The following ACE variants were observed in gnomAD, a reference collection of about 807,000 sequenced individuals.
The protein encoded by ACE is angiotensin I converting enzyme, also known as angiotensin-converting enzyme.
Under a neutral mutation model 162.3 loss-of-function variants are expected in ACE, and 122 were observed. That is an observed-to-expected ratio of 0.75 (90% CI 0.65 to 0.87). ACE has a LOEUF of 0.87. ACE is among the 40% of genes least tolerant of loss of function. ACE has a pLI of 0.00. For missense variants in ACE, 1,799 were observed against 1,735.1 expected (o/e 1.04, Z -0.65); for synonymous variants, 796 against 720.6 (o/e 1.10, Z -1.68).
chr17:63,479,934 C>T (rs1421259030), intron 4 of ACE, 22 bp downstream of exon 4: 1 of 1,598,498 alleles, frequency 6.3e-7, no homozygotes, highest in Non-Finnish European at 8.5e-7. Context: ...TCTCCCTGTC[C>T]AGGAACCACG....
In ACE at chr17:63,482,616, G is replaced by A. The variant is rs941378818; in HGVS notation, c.1269G>A (p.Val423=). The A allele has an allele frequency of 6.2e-7, 1 of 1,614,120 alleles. No homozygotes were observed. ...NPGFHEAIGD[V]LALSVSTPEH... ...GCTTCCATGAGGCCATTGGGGACGTGCTGGCGCTCTCGGTCTCCACTCCTG... is the reference window on the plus strand; with the variant it reads ...GCTTCCATGAGGCCATTGGGGACGTACTGGCGCTCTCGGTCTCCACTCCTG... Residue 423 remains valine, a synonymous_variant, in exon 8 of 25, where the codon GTG becomes GTA. Transcript: ENST00000290866.
chr17:63,491,472 G>C lies in ACE; in HGVS notation c.2912+91G>C. ...AGGGTCCACTACTGTCCCCCAGCTG[G>C]AGCCAGCAGGGCAGGATGGGGACAG... On this transcript the variant is annotated intron_variant, in intron 19 of 24. Coordinates refer to ENST00000290866, the MANE Select transcript of ACE (RefSeq NM_000789.4). This position sits in a 1 kb window ranked among gnomAD's most constrained non-coding sequence, Gnocchi z 4.4. 2 of 1,545,636 alleles carry C rather than the reference G, an allele frequency of 1.3e-6. No individual in the cohort carries two copies. The highest frequency in any genetic ancestry group is 3.4e-5 in the Admixed American group (2 of 59,234).
In ACE at chr17:63,497,252, G is replaced by A. The variant is rs746513914; in HGVS notation, c.3807G>A (p.Leu1269=). 1.9e-6 allele frequency: 3 copies of A among 1,575,390 alleles called. No homozygotes were observed. Among genetic ancestry groups the A allele is most frequent in the Admixed American group, 3.7e-5 (2 of 54,562 alleles). Residue 1269 remains leucine, a synonymous_variant, in exon 25 of 25, where the codon CTG becomes CTA. Transcript: ENST00000290866. ...TGCTGCTCTTCCTGGGCATCGCCCTGCTGGTAGCCACCCTGGGCCTCAGCC... is the reference window on the plus strand; with the variant it reads ...TGCTGCTCTTCCTGGGCATCGCCCTACTGGTAGCCACCCTGGGCCTCAGCC... ...QWLLLFLGIA[L]LVATLGLSQR...
chr17:63,491,524 G>T lies in ACE; in HGVS notation c.2912+143G>T. 1.4e-5 allele frequency: 16 copies of T among 1,107,556 alleles called. No individual in the cohort carries two copies. The highest frequency in any genetic ancestry group is 3.9e-4 in the Middle Eastern group (2 of 5,092). The allele number at this position is 1,107,556 out of a possible 1,614,324, so 68.6% of individuals were successfully genotyped here. On this transcript the variant is annotated intron_variant, in intron 19 of 24. Transcript: ENST00000290866. This position sits in a 1 kb window ranked among gnomAD's most constrained non-coding sequence, Gnocchi z 4.4. Reference sequence around the variant, plus strand: ...GCCAGAGTTTGGGACTGAGTGTCTAGAGAGGTGTTGGCTTCTGGCAGGAAA... The same window carrying T: ...GCCAGAGTTTGGGACTGAGTGTCTATAGAGGTGTTGGCTTCTGGCAGGAAA...
At position 63,480,340 on chromosome 17, in the gene ACE, T is replaced by C; in HGVS notation, c.659T>C (p.Phe220Ser). The C allele has an allele frequency of 6.2e-7, 1 of 1,613,826 alleles. No individual in the cohort carries two copies. The highest frequency in any genetic ancestry group is 1.1e-5 in the South Asian group (1 of 91,084). The change falls in exon 5 of 25, where the codon TTC becomes TCC. Residue 220 changes from phenylalanine (F) to serine (S), a missense_variant. Transcript: ENST00000290866. ...LSNEAYKQDGFTDTGAYWRSW... is the reference protein window; with the variant it reads ...LSNEAYKQDGSTDTGAYWRSW... ...TACCTCACCCCCACGCCCCCAGGCT[T>C]CACAGACACGGGGGCCTACTGGCGC...
In ACE at chr17:63,491,480, AG is replaced by A. The variant is rs887000970; in HGVS notation, c.2912+102del. ...CTACTGTCCCCCAGCTGGAGCCAGC[AG>A]GGCAGGATGGGGACAGGGCCAGAGT... On this transcript the variant is annotated intron_variant, in intron 19 of 24. Coordinates refer to ENST00000290866, the MANE Select transcript of ACE (RefSeq NM_000789.4). This position sits in a 1 kb window ranked among gnomAD's most constrained non-coding sequence, Gnocchi z 4.4. 1 of 1,507,222 alleles carries A rather than the reference AG, an allele frequency of 6.6e-7. No homozygotes were observed. The highest frequency in any genetic ancestry group is 1.4e-5 in the African/African-American group (1 of 72,978). The allele number at this position is 1,507,222 out of a possible 1,614,324, so 93.4% of individuals were successfully genotyped here.
Position 63,482,498 on chromosome 17 carries a change from A to T in ACE, c.1151A>T (p.Gln384Leu). The T allele has an allele frequency of 6.2e-7, 1 of 1,614,020 alleles. No homozygotes were observed. The highest frequency in any genetic ancestry group is 8.5e-7 in the Non-Finnish European group (1 of 1,179,998). ...CAGTGCACACGGGTCACGATGGACCAGCTCTCCACAGTGCACCATGAGATG... is the reference window on the plus strand; with the variant it reads ...CAGTGCACACGGGTCACGATGGACCTGCTCTCCACAGTGCACCATGAGATG... ...IKQCTRVTMDQLSTVHHEMGH... is the reference protein window; with the variant it reads ...IKQCTRVTMDLLSTVHHEMGH... The change falls in exon 8 of 25, where the codon CAG (glutamine) becomes CTG (leucine). Residue 384 changes from glutamine to leucine, a missense_variant. Physicochemically the swap from Gln to Leu is moderately radical, Grantham distance 113. Coordinates refer to ENST00000290866, the MANE Select transcript of ACE (RefSeq NM_000789.4).
At position 63,477,352 on chromosome 17, in the gene ACE, C is replaced by G; in HGVS notation, c.249+9C>G. 1 of 1,275,234 alleles carries G rather than the reference C, an allele frequency of 7.8e-7. No homozygotes were observed. The highest frequency in any genetic ancestry group is 1.0e-6 in the Non-Finnish European group (1 of 1,003,288). 79.0% of individuals were successfully genotyped at this position (1,275,234 alleles called of 1,614,324 possible). On this transcript the variant is annotated intron_variant, in intron 1 of 24. Transcript: ENST00000290866. ...AGAATGCAAGGCGCCAGGTGGGCGC[C>G]CGGGCCCGGGCGGGGGCGGGGCGGG... is the stretch of plus-strand genomic sequence containing the variant.
intron 1 of ACE, 31 bp from the exon 2 acceptor site, chr17:63,477,900 A>G (rs1286507881): frequency 6.3e-7 from 1 of 1,594,246 alleles, no homozygotes; most frequent in East Asian, 2.3e-5. Flanking sequence ...GCAGGGTCCT[A>G]CACCCTCCCT....
intron 4 of ACE, 64 bp from the exon 5 acceptor site, chr17:63,480,273 A>G: frequency 1.3e-5 from 21 of 1,573,522 alleles, no homozygotes; most frequent in Non-Finnish European, 1.8e-5. Context: ...GAGCCGACTT[A>G]CAGCTGAGAG....
chr17:63,485,103 TG>T, intron 12 of ACE, 132 bp from the exon 13 acceptor site: 1 of 1,350,840 alleles, frequency 7.4e-7, no homozygotes, highest in Non-Finnish European at 1.0e-6. Flanking sequence ...GTGCCAGGGG[TG>T]GGAGAGGCGG....
intron 3 of ACE, among the ~76,000 whole-genome samples, chr17:63,479,561 T>C (rs2049673086): frequency 6.6e-6 from 1 of 152,106 alleles, no homozygotes; most frequent in Admixed American, 6.5e-5. Flanking sequence ...CCTTAGGTGG[T>C]CATGTCTCTG....
chr17:63,495,302 G>T (rs2030659884), intron 22 of ACE, among the ~76,000 whole-genome samples: 1 of 152,188 alleles, frequency 6.6e-6, no homozygotes, highest in Non-Finnish European at 1.5e-5. Context: ...TCCCTGGGAG[G>T]CTGGGGGCTA....
Position 63,481,581 on chromosome 17 carries a change from C to T in ACE, c.961C>T (p.His321Tyr), listed in dbSNP as rs2049710489. Residue 321 changes from histidine (H) to tyrosine (Y), a missense_variant, in exon 7 of 25, where the codon CAC becomes TAC. By Grantham distance (83) the His-to-Tyr change is moderately conservative. Coordinates refer to ENST00000290866, the MANE Select transcript of ACE (RefSeq NM_000789.4). ...CCTCCTCCAGGGCTGGAACGCCACG[C>T]ACATGTTCCGGGTGGCAGAGGAGTT... The part of the protein sequence containing the change: ...TMLQQGWNAT[H>Y]MFRVAEEFFT... 2 of 1,613,850 alleles carry T rather than the reference C, an allele frequency of 1.2e-6. No homozygotes were observed. The highest frequency in any genetic ancestry group is 1.7e-5 in the Admixed American group (1 of 59,998).
intron 3 of ACE, 24 bp from the exon 4 acceptor site, chr17:63,479,745 C>A: frequency 6.2e-7 from 1 of 1,612,538 alleles, no homozygotes; most frequent in Non-Finnish European, 8.5e-7. Context: ...GCCTCCTCAC[C>A]GACCCTGCCT....
At position 63,483,909 on chromosome 17, in the gene ACE, C is replaced by T. The variant is rs199955602; in HGVS notation, c.1647C>T (p.Gly549=). 6 of 1,614,158 alleles carry T rather than the reference C, an allele frequency of 3.7e-6. No individual in the cohort carries two copies. The highest frequency in any genetic ancestry group is 4.2e-6 in the Non-Finnish European group (5 of 1,180,028). ...ATGAAGCCCTGTGCAAGGAGGCAGG[C>T]TATGAGGGCCCACTGCACCAGTGTG... is the stretch of plus-strand genomic sequence containing the variant. ...QFHEALCKEA[G]YEGPLHQCDI... The change falls in exon 11 of 25, where the codon GGC becomes GGT. Residue 549 remains glycine, a synonymous_variant. Transcript: ENST00000290866.
chr17:63,486,421 T>C (rs2029940661), intron 13 of ACE, 136 bp from the exon 14 acceptor site: 1 of 939,414 alleles, frequency 1.1e-6, no homozygotes, highest in Non-Finnish European at 1.7e-6. Flanking sequence ...CAGAGAGTCT[T>C]ATAGGCAAAG....
At chr17:63,496,068 T>C (rs2030709980) in intron 22 of ACE, 1 of 409,130 alleles carries the variant, frequency 2.4e-6, no homozygotes. Context: ...ACCCCAGGGA[T>C]GGAGACCTCA....
intron 16 of ACE, 59 bp downstream of exon 16, chr17:63,488,850 T>C: frequency 6.2e-7 from 1 of 1,613,648 alleles, no homozygotes; most frequent in Non-Finnish European, 8.5e-7. Context: ...CTCAAAGAGG[T>C]GCTGTGAAAC....
Sources: gnomAD v4.1 joint callset for allele counts (sites outside exome capture counted in the v4.1 genomes callset) on GRCh38, gnomAD v4.1.1 for gene constraint, Gnocchi (gnomAD v3.1) non-coding constraint, MANE v1.5 for transcripts, NCBI Gene and HGNC (gene_info 2026-07-23, HGNC 2026-07-21) for gene names.